EPHA3: variants seen among roughly 807,000 people sequenced by gnomAD.
The protein encoded by EPHA3 is EPH receptor A3.
EPHA3 carries 42 observed loss-of-function variants against 107.1 expected under a neutral mutation model. That is an observed-to-expected ratio of 0.39 (90% CI 0.31 to 0.51). The LOEUF is 0.51. EPHA3 is among the 20% of genes least tolerant of loss of function. The probability of loss-of-function intolerance (pLI) is 0.78; values close to 1 mark genes in which losing one functional copy is unlikely to be tolerated. For missense variants in EPHA3, 1,183 were observed against 1,211.2 expected, an observed-to-expected ratio of 0.98 and a Z score of 0.35; for synonymous variants, 461 against 424.8, an observed-to-expected ratio of 1.09 and a Z score of -1.05.
chr3:89,366,529 T>C lies in EPHA3; in HGVS notation c.1306+24439T>C, dbSNP rs144248306. Among the ~76,000 whole-genome samples the C allele has an allele frequency of 8.6e-5, 13 of 150,980 alleles. No individual in the cohort carries two copies. The East Asian group carries it at 2.3e-3, about 27-fold the overall frequency. ...ACTAAGATCTGATTCTTGAGAAAGA[T>C]CTTAAATATAATTTGTATATTTGAA... On this transcript the variant is annotated intron_variant, in intron 5 of 16. Coordinates refer to ENST00000336596, the MANE Select transcript of EPHA3 (RefSeq NM_005233.6).
At chr3:89,212,891 A>T (rs1489412351) in intron 3 of EPHA3, among the ~76,000 whole-genome samples, 1 of 151,998 alleles carries the variant, frequency 6.6e-6, no homozygotes, top group African/African-American at 2.4e-5. Flanking sequence ...AGCTAAATAG[A>T]AAAGTGTGTT....
At chr3:89,354,248 G>A (rs192149055) in intron 5 of EPHA3, among the ~76,000 whole-genome samples, 15 of 151,166 alleles carry the variant, frequency 9.9e-5, no homozygotes, top group East Asian at 3.9e-4. Context: ...TAATAGCATC[G>A]TATGTGAGTA....
At chr3:89,405,465 T>C (rs1455434840) in intron 7 of EPHA3, among the ~76,000 whole-genome samples, 1 of 152,194 alleles carries the variant, frequency 6.6e-6, no homozygotes, top group Non-Finnish European at 1.5e-5. Flanking sequence ...AACAATAGTT[T>C]GCTGGTAGTA....
chr3:89,179,756 C>G (rs1294396596), intron 2 of EPHA3, among the ~76,000 whole-genome samples: 2 of 151,446 alleles, frequency 1.3e-5, no homozygotes, highest in East Asian at 3.9e-4. Context: ...CACATAAAGT[C>G]ACAAATGCAT....
intron 2 of EPHA3, among the ~76,000 whole-genome samples, chr3:89,191,499 G>A (rs1705717148): frequency 6.6e-6 from 1 of 151,612 alleles, no homozygotes; most frequent in Admixed American, 6.6e-5. Flanking sequence ...GTAGAGACGG[G>A]GTTTCACTGT....
intron 2 of EPHA3, among the ~76,000 whole-genome samples, chr3:89,147,810 A>G (rs1216703111): frequency 6.6e-6 from 1 of 152,030 alleles, no homozygotes; most frequent in East Asian, 1.9e-4. Context: ...CTAACAATTG[A>G]GAAAACAAAA....
chr3:89,350,687 G>A (rs1707791142), intron 5 of EPHA3, among the ~76,000 whole-genome samples: 1 of 150,996 alleles, frequency 6.6e-6, no homozygotes, highest in South Asian at 2.1e-4. Flanking sequence ...GAGGAGGAGA[G>A]GCGCTCTGCG....
intron 3 of EPHA3, among the ~76,000 whole-genome samples, chr3:89,312,933 G>A (rs1387078043): frequency 6.6e-6 from 1 of 151,954 alleles, no homozygotes; most frequent in African/African-American, 2.4e-5. Flanking sequence ...TTTTATGGCT[G>A]CATAATATTC....
At chr3:89,163,508 A>G (rs1427597849) in intron 2 of EPHA3, among the ~76,000 whole-genome samples, 3 of 152,180 alleles carry the variant, frequency 2.0e-5, no homozygotes, top group African/African-American at 7.2e-5. Flanking sequence ...ACATTATAAT[A>G]GCAATACCTC....
At chr3:89,283,926 C>A (rs1432162737) in intron 3 of EPHA3, among the ~76,000 whole-genome samples, 2 of 152,022 alleles carry the variant, frequency 1.3e-5, no homozygotes, top group African/African-American at 4.8e-5. Flanking sequence ...TTATAATCAA[C>A]AGTTTTTAGT....
intron 5 of EPHA3, among the ~76,000 whole-genome samples, chr3:89,360,842 T>A (rs1184503933): frequency 6.6e-6 from 1 of 151,166 alleles, no homozygotes; most frequent in Non-Finnish European, 1.5e-5. Context: ...TCCTGTGTAA[T>A]TTCAAATATT....
At chr3:89,322,987 C>T (rs989021211) in intron 3 of EPHA3, among the ~76,000 whole-genome samples, 1 of 151,970 alleles carries the variant, frequency 6.6e-6, no homozygotes, top group Non-Finnish European at 1.5e-5. Context: ...AAAGAAGGTG[C>T]TCTTTTGTGA....
chr3:89,288,166 A>C (rs1257495265), intron 3 of EPHA3, among the ~76,000 whole-genome samples: 2 of 152,202 alleles, frequency 1.3e-5, no homozygotes, highest in Admixed American at 6.6e-5. Flanking sequence ...GAATGCTTGC[A>C]TATAATAGTT....
chr3:89,411,254 C>T (rs1481920805), intron 9 of EPHA3, among the ~76,000 whole-genome samples: 1 of 151,668 alleles, frequency 6.6e-6, no homozygotes, highest in Non-Finnish European at 1.5e-5. Context: ...ACTTCAACAG[C>T]TACTCCACTC....
At chr3:89,292,234 T>A (rs1452785776) in intron 3 of EPHA3, among the ~76,000 whole-genome samples, 3 of 152,128 alleles carry the variant, frequency 2.0e-5, no homozygotes, top group African/African-American at 7.2e-5. Context: ...AAAAGATTTT[T>A]AAAAAGAACA....
intron 3 of EPHA3, among the ~76,000 whole-genome samples, chr3:89,331,246 T>C (rs1268277359): frequency 3.9e-5 from 6 of 152,188 alleles, no homozygotes; most frequent in South Asian, 2.1e-4. Flanking sequence ...ATAATTTTAC[T>C]TCTAAGAACC....
chr3:89,453,273 G>A (rs917197233), intron 15 of EPHA3, among the ~76,000 whole-genome samples: 2 of 152,038 alleles, frequency 1.3e-5, no homozygotes, highest in Non-Finnish European at 2.9e-5. Context: ...GCTAACTCAT[G>A]TAATGTAATG....
At chr3:89,278,663 T>G (rs190651428) in intron 3 of EPHA3, among the ~76,000 whole-genome samples, 3 of 152,136 alleles carry the variant, frequency 2.0e-5, no homozygotes, top group African/African-American at 7.2e-5. Flanking sequence ...AAATTAGGAA[T>G]AAAATGAAAT....
intron 16 of EPHA3, among the ~76,000 whole-genome samples, chr3:89,475,416 A>G (rs1384728691): frequency 6.6e-6 from 1 of 152,228 alleles, no homozygotes; most frequent in Non-Finnish European, 1.5e-5. Context: ...AAGTATAGGA[A>G]AAGATCAATA....
Sources: gnomAD v4.1 joint callset for allele counts (sites outside exome capture counted in the v4.1 genomes callset) on GRCh38, gnomAD v4.1.1 for gene constraint, MANE v1.5 for transcripts, NCBI Gene and HGNC (gene_info 2026-07-23, HGNC 2026-07-21) for gene names.